TNFSF4: variants seen among roughly 807,000 people sequenced by gnomAD.
TNFSF4 encodes TNF superfamily member 4, also known as tumor necrosis factor ligand superfamily member 4.
A neutral mutation model predicts 7.3 loss-of-function variants in TNFSF4; 4 were observed. The observed-to-expected ratio is 0.55, with a 90% CI of 0.27 to 1.25. The LOEUF (loss-of-function observed/expected upper bound fraction) is 1.25, where lower values mean the gene tolerates loss of function less well. Among genes scored for constraint, TNFSF4 ranks in the 50% most tolerant of loss-of-function variants. The probability of loss-of-function intolerance (pLI) is 0.12; values close to 1 mark genes in which losing one functional copy is unlikely to be tolerated. For synonymous variants in TNFSF4, 76 were observed against 83.7 expected, an observed-to-expected ratio of 0.91 and a Z score of 0.50; for missense variants, 181 against 208.8, an observed-to-expected ratio of 0.87 and a Z score of 0.82.
chr1:173,276,868 A>G, the TNFSF4 span, among the ~76,000 whole-genome samples: 1 of 152,138 alleles, frequency 6.6e-6, no homozygotes, highest in African/African-American at 2.4e-5. Flanking sequence ...CTGCTTTATT[A>G]TCTGCAGCTC....
chr1:173,226,938 T>A, the TNFSF4 span, among the ~76,000 whole-genome samples: 1 of 152,240 alleles, frequency 6.6e-6, no homozygotes, highest in Non-Finnish European at 1.5e-5. Context: ...TATGCTTATA[T>A]GAGAACTAAT....
At chr1:173,315,423 A>G in the TNFSF4 span, among the ~76,000 whole-genome samples, 1 of 152,186 alleles carries the variant, frequency 6.6e-6, no homozygotes, top group African/African-American at 2.4e-5. Context: ...CAAAGAAAAA[A>G]GAATATCAGA....
At chr1:173,308,285 CTGTGTG>C in the TNFSF4 span, among the ~76,000 whole-genome samples, 1 of 135,052 alleles carries the variant, frequency 7.4e-6, no homozygotes, top group East Asian at 2.1e-4. Context: ...CTCTCTCTCT[CTGTGTG>C]TGTGTGTGTG....
At chr1:173,434,890 C>A in the TNFSF4 span, among the ~76,000 whole-genome samples, 1 of 152,130 alleles carries the variant, frequency 6.6e-6, no homozygotes, top group African/African-American at 2.4e-5. Context: ...ATCTAATGCC[C>A]CATGGGACAA....
At chr1:173,267,258 C>T in the TNFSF4 span, among the ~76,000 whole-genome samples, 1 of 152,060 alleles carries the variant, frequency 6.6e-6, no homozygotes, top group Non-Finnish European at 1.5e-5. Context: ...ATTATGAGCC[C>T]CAACATACCT....
At chr1:173,188,705 TTTG>T (rs776294069) in intron 1 of TNFSF4, 136 bp from the exon 2 acceptor site, 1,018 of 721,880 alleles carry the variant, frequency 1.4e-3, no homozygotes, top group East Asian at 2.0e-3. Flanking sequence ...ACTTGACTTT[TTTG>T]TTGTTGTTGT....
the TNFSF4 span, among the ~76,000 whole-genome samples, chr1:173,424,744 T>C: frequency 6.6e-6 from 1 of 152,188 alleles, no homozygotes; most frequent in South Asian, 2.1e-4. Flanking sequence ...AAAATGAAGT[T>C]GCAAATGTGG....
chr1:173,299,159 C>CA, the TNFSF4 span, among the ~76,000 whole-genome samples: 1 of 151,944 alleles, frequency 6.6e-6, no homozygotes, highest in Non-Finnish European at 1.5e-5. Context: ...CCAGATTCAA[C>CA]AGCCCATAAA....
Position 173,185,060 on chromosome 1 carries a change from C to G in TNFSF4, c.*1456G>C, listed in dbSNP as rs528540961. The G allele has an allele frequency of 6.6e-6, 1 of 152,202 alleles. No individual in the cohort carries two copies. Among genetic ancestry groups the G allele is most frequent in the South Asian group, 2.1e-4 (1 of 4,824 alleles). 9.4% of individuals were successfully genotyped at this position (152,202 alleles called of 1,614,324 possible). ...TGAGACCATTTAGTGTAAGGGCGAACAGCCCTCCACCTTTCTGGAGATTCT... is the reference window on the plus strand; with the variant it reads ...TGAGACCATTTAGTGTAAGGGCGAAGAGCCCTCCACCTTTCTGGAGATTCT... On this transcript the variant is annotated 3_prime_UTR_variant, in exon 3 of 3. Transcript: ENST00000281834.
the TNFSF4 span, among the ~76,000 whole-genome samples, chr1:173,376,100 G>GA: frequency 3.9e-5 from 6 of 152,260 alleles, no homozygotes; most frequent in African/African-American, 9.6e-5. Flanking sequence ...CTATGCAAAA[G>GA]AACCTTCTAG....
the TNFSF4 span, among the ~76,000 whole-genome samples, chr1:173,376,324 CA>C: frequency 6.6e-6 from 1 of 152,182 alleles, no homozygotes; most frequent in African/African-American, 2.4e-5. Context: ...TCATTCTCAG[CA>C]AAGTAATACA....
intron 1 of TNFSF4, among the ~76,000 whole-genome samples, chr1:173,193,392 G>A (rs545279241): frequency 1.6e-3 from 244 of 152,274 alleles, no homozygotes; most frequent in Non-Finnish European, 2.8e-3. Context: ...CAGAATTGAA[G>A]TATAGCCGTG....
the TNFSF4 span, among the ~76,000 whole-genome samples, chr1:173,342,082 AG>A: frequency 6.6e-6 from 1 of 152,150 alleles, no homozygotes; most frequent in Non-Finnish European, 1.5e-5. Context: ...GGTTGCCAAC[AG>A]CCTCTCCTAC....
At chr1:173,182,389 C>T (rs1268461938), downstream of TNFSF4, among the ~76,000 whole-genome samples, 2 of 152,176 alleles carry the variant, frequency 1.3e-5, no homozygotes, top group African/African-American at 4.8e-5. Context: ...GAGCCCATTA[C>T]ATCCATACAG....
the TNFSF4 span, among the ~76,000 whole-genome samples, chr1:173,243,128 A>G: frequency 6.6e-6 from 1 of 151,832 alleles, no homozygotes; most frequent in Admixed American, 6.6e-5. Flanking sequence ...CCAGGATCAA[A>G]TAGACCTCTC....
the TNFSF4 span, among the ~76,000 whole-genome samples, chr1:173,366,840 T>A: frequency 6.6e-6 from 1 of 152,182 alleles, no homozygotes; most frequent in Non-Finnish European, 1.5e-5. Flanking sequence ...TAAATTTGAT[T>A]GGACACAATT....
At position 173,205,341 on chromosome 1, in the gene TNFSF4, C is replaced by G. The variant is rs373510628; in HGVS notation, c.153+1683G>C. 6.4e-5 allele frequency: 103 copies of G among 1,611,982 alleles called. No individual in the cohort carries two copies. The African/African-American group carries it at 1.3e-3, about 20-fold the overall frequency. ...GGTTTAGTGTCCTAGAAACCAGCAC[C>G]CTGCTTTTCTTCCCACAGCTTTCCT... On this transcript the variant is annotated intron_variant, in intron 1 of 2. Coordinates refer to ENST00000281834, the MANE Select transcript of TNFSF4 (RefSeq NM_003326.5).
the TNFSF4 span, among the ~76,000 whole-genome samples, chr1:173,308,277 C>T: frequency 4.3e-5 from 6 of 139,654 alleles, no homozygotes; most frequent in Non-Finnish European, 9.5e-5. Context: ...TTCTCTCTCT[C>T]TCTCTCTCTG....
the TNFSF4 span, among the ~76,000 whole-genome samples, chr1:173,406,829 C>T: frequency 6.6e-6 from 1 of 152,028 alleles, no homozygotes; most frequent in Non-Finnish European, 1.5e-5. Context: ...GAGAGAATTC[C>T]CAGGTGTGGG....
Sources: gnomAD v4.1 joint callset for allele counts (sites outside exome capture counted in the v4.1 genomes callset) on GRCh38, gnomAD v4.1.1 for gene constraint, MANE v1.5 for transcripts, NCBI Gene and HGNC (gene_info 2026-07-23, HGNC 2026-07-21) for gene names.